The following RAP1GAP variants were observed in gnomAD, a reference collection of about 807,000 sequenced individuals.
RAP1GAP encodes the protein rap1 GTPase-activating protein 1.
A neutral mutation model predicts 87.2 loss-of-function variants in RAP1GAP; 35 were observed. That is an observed-to-expected ratio of 0.40 (90% CI 0.31 to 0.53). The LOEUF is 0.53. Among genes scored for constraint, RAP1GAP ranks in the 20% least tolerant of loss-of-function variants. The probability of loss-of-function intolerance (pLI) is 0.48; values close to 1 mark genes in which losing one functional copy is unlikely to be tolerated. For synonymous variants in RAP1GAP, 375 were observed against 363.9 expected (o/e 1.03, Z -0.35); for missense variants, 734 against 898.9 (o/e 0.82, Z 2.35).
chr1:21,662,026 C>T (rs1248429057), intron 1 of RAP1GAP, among the ~76,000 whole-genome samples: 1 of 152,236 alleles, frequency 6.6e-6, no homozygotes, highest in African/African-American at 2.4e-5. Context: ...GCAGGCATCA[C>T]TGGGAATCTC....
intron 2 of RAP1GAP, among the ~76,000 whole-genome samples, chr1:21,642,428 C>T (rs1326946416): frequency 6.6e-6 from 1 of 152,176 alleles, no homozygotes; most frequent in East Asian, 1.9e-4. Context: ...CTTTTATTGC[C>T]CTCATGTTAC....
chr1:21,610,954 C>T (rs752505064), intron 13 of RAP1GAP, among the ~76,000 whole-genome samples: 3 of 152,240 alleles, frequency 2.0e-5, no homozygotes, highest in Admixed American at 6.5e-5. Context: ...CAAGGGGACA[C>T]GCTTCTGAGT....
rs892675063 is a variant in RAP1GAP, at chr1:21,668,203, A to C, written c.-149+1051T>G. Among the ~76,000 whole-genome samples the C allele has an allele frequency of 6.6e-6, 1 of 152,168 alleles. No individual in the cohort carries two copies. The highest frequency in any genetic ancestry group is 1.5e-5 in the Non-Finnish European group (1 of 68,006). On this transcript the variant is annotated intron_variant, in intron 1 of 24. Coordinates refer to ENST00000374765, the MANE Select transcript of RAP1GAP (RefSeq NM_002885.4). The surrounding 1 kb of genome is among the most constrained non-coding windows in gnomAD (Gnocchi z 6.2). ...GGGCCAGGAGCCTCCTGAGAGCCTC[A>C]TATGGGGAGGAAGTGGTACCATCTC...
At chr1:21,656,319 T>C (rs1443596428) in intron 1 of RAP1GAP, among the ~76,000 whole-genome samples, 1 of 148,800 alleles carries the variant, frequency 6.7e-6, no homozygotes, top group African/African-American at 2.5e-5. Context: ...CTCAGGAGGC[T>C]GAGGCAGGAG....
At position 21,611,554 on chromosome 1, in the gene RAP1GAP, G is replaced by A. The variant is rs750479184; in HGVS notation, c.741C>T (p.His247=). ...KGFRGGLDVT[H]GQTGTESVYC... ...ACACAGATTCGGTCCCCGTCTGCCCGTGGGTCACGTCCAGGCCTCCTCGGA... is the reference window on the plus strand; with the variant it reads ...ACACAGATTCGGTCCCCGTCTGCCCATGGGTCACGTCCAGGCCTCCTCGGA... Residue 247 remains histidine, a synonymous_variant, in exon 13 of 25, where the codon CAC becomes CAT. Transcript: ENST00000374765. 38 of 1,614,166 alleles carry A rather than the reference G, an allele frequency of 2.4e-5. No individual in the cohort carries two copies. The highest frequency in any genetic ancestry group is 4.5e-5 in the East Asian group (2 of 44,854).
intron 1 of RAP1GAP, among the ~76,000 whole-genome samples, chr1:21,650,760 C>T (rs902236154): frequency 1.3e-5 from 2 of 152,170 alleles, no homozygotes; most frequent in East Asian, 3.9e-4. Context: ...CAGGGCCTAG[C>T]CCAGGCTCCT....
chr1:21,660,640 C>G (rs537093973), intron 1 of RAP1GAP, among the ~76,000 whole-genome samples: 1 of 152,200 alleles, frequency 6.6e-6, no homozygotes, highest in South Asian at 2.1e-4. Context: ...AGCCCCGACT[C>G]AGTCTTGAGC....
Position 21,613,292 on chromosome 1 carries a change from C to G in RAP1GAP, c.475-63G>C, listed in dbSNP as rs1240512218. On this transcript the variant is annotated intron_variant, in intron 9 of 24. Coordinates refer to ENST00000374765, the MANE Select transcript of RAP1GAP (RefSeq NM_002885.4). This position sits in a 1 kb window ranked among gnomAD's most constrained non-coding sequence, Gnocchi z 4.7. ...GCCAGGGAGGAGAGGATGGGGCTGC[C>G]TGGGCCTCCCTGGTCAAGGTCTGGG... 7.1e-7 allele frequency: 1 copy of G among 1,413,610 alleles called. No individual in the cohort carries two copies. The highest frequency in any genetic ancestry group is 1.0e-6 in the Non-Finnish European group (1 of 998,670). The allele number at this position is 1,413,610 out of a possible 1,614,324, so 87.6% of individuals were successfully genotyped here.
In RAP1GAP at chr1:21,622,374, G is replaced by T. The variant is rs558636931; in HGVS notation, c.-18-2324C>A. ...GCCCCCGCGGGCAGCGAGCCCCTCCGCGGACGGCCGGGTGGCACCGCGGGC... is the reference window on the plus strand; with the variant it reads ...GCCCCCGCGGGCAGCGAGCCCCTCCTCGGACGGCCGGGTGGCACCGCGGGC... On this transcript the variant is annotated intron_variant, in intron 3 of 24. Transcript: ENST00000374765. This position sits in a 1 kb window ranked among gnomAD's most constrained non-coding sequence, Gnocchi z 5.7. The T allele has an allele frequency of 2.0e-5, 9 of 447,090 alleles. No individual in the cohort carries two copies. In the East Asian group the frequency reaches 2.3e-4, roughly 11 times the overall value. 27.7% of individuals were successfully genotyped at this position (447,090 alleles called of 1,614,324 possible).
chr1:21,651,333 G>A, intron 1 of RAP1GAP: 2 of 451,194 alleles, frequency 4.4e-6, no homozygotes, highest in South Asian at 3.3e-5. Context: ...AGCTGCAGAG[G>A]CAAAGTGGGA....
At chr1:21,662,216 T>C (rs1029146062) in intron 1 of RAP1GAP, among the ~76,000 whole-genome samples, 1 of 152,126 alleles carries the variant, frequency 6.6e-6, no homozygotes, top group Non-Finnish European at 1.5e-5. Flanking sequence ...GAACCTCAGT[T>C]TCCTCACCCA....
At chr1:21,643,132 C>T (rs2095680271) in intron 2 of RAP1GAP, among the ~76,000 whole-genome samples, 1 of 152,224 alleles carries the variant, frequency 6.6e-6, no homozygotes, top group Admixed American at 6.5e-5. Flanking sequence ...ACCAAGTCCC[C>T]AACGCCCAGC....
At chr1:21,620,932 C>T (rs1417893840) in intron 3 of RAP1GAP, among the ~76,000 whole-genome samples, 1 of 152,194 alleles carries the variant, frequency 6.6e-6, no homozygotes, top group East Asian at 1.9e-4. Context: ...TATTTAAAGT[C>T]CCACTGCACC....
At chr1:21,662,111 C>A (rs1350181928) in intron 1 of RAP1GAP, among the ~76,000 whole-genome samples, 2 of 152,202 alleles carry the variant, frequency 1.3e-5, no homozygotes, top group African/African-American at 4.8e-5. Flanking sequence ...CAGGGTGCAG[C>A]CCCAGAGCCA....
chr1:21,645,276 C>A (rs1175262947), intron 2 of RAP1GAP, among the ~76,000 whole-genome samples: 1 of 152,104 alleles, frequency 6.6e-6, no homozygotes, highest in Non-Finnish European at 1.5e-5. Flanking sequence ...CCATTCTGGT[C>A]CCAAATGACC....
chr1:21,634,068 G>T lies in RAP1GAP; in HGVS notation c.-112-7671C>A, dbSNP rs1033124639. 1.4e-5 allele frequency among the ~76,000 whole-genome samples: 2 copies of T among 140,204 alleles called. No homozygotes were observed. Among genetic ancestry groups the T allele is most frequent in the African/African-American group, 5.1e-5 (2 of 39,550 alleles). The allele number at this position is 140,204 out of a possible 152,430, so 92.0% of individuals were successfully genotyped here. On this transcript the variant is annotated intron_variant, in intron 2 of 24. Transcript: ENST00000374765. The surrounding 1 kb of genome is among the most constrained non-coding windows in gnomAD (Gnocchi z 4.1). ...AGAACTGCCCCCTCCCGGGGGGGGGGGGGGGCCACAGAAGCCCATTGTTTT... is the reference window on the plus strand; with the variant it reads ...AGAACTGCCCCCTCCCGGGGGGGGGTGGGGGCCACAGAAGCCCATTGTTTT...
chr1:21,652,509 T>C (rs903837912), intron 1 of RAP1GAP, among the ~76,000 whole-genome samples: 1 of 152,062 alleles, frequency 6.6e-6, no homozygotes, highest in African/African-American at 2.4e-5. Flanking sequence ...CTTGCCCACC[T>C]GTCTCCCCTT....
intron 2 of RAP1GAP, among the ~76,000 whole-genome samples, chr1:21,641,713 A>G (rs189435161): frequency 6.6e-6 from 1 of 152,316 alleles, no homozygotes; most frequent in African/African-American, 2.4e-5. Flanking sequence ...AGGCATGGAA[A>G]CTGAGGTTCA....
At chr1:21,660,466 C>T (rs1243544609) in intron 1 of RAP1GAP, among the ~76,000 whole-genome samples, 3 of 150,750 alleles carry the variant, frequency 2.0e-5, no homozygotes, top group East Asian at 2.0e-4. Flanking sequence ...CCTGAGTAGC[C>T]GGGACTACAG....
Sources: gnomAD v4.1 joint callset for allele counts (sites outside exome capture counted in the v4.1 genomes callset) on GRCh38, gnomAD v4.1.1 for gene constraint, Gnocchi (gnomAD v3.1) non-coding constraint, MANE v1.5 for transcripts, NCBI Gene and HGNC (gene_info 2026-07-23, HGNC 2026-07-21) for gene names.